The following TRAPPC9 variants were observed in gnomAD, a reference collection of about 807,000 sequenced individuals.
TRAPPC9 encodes the protein IKK2 binding protein.
Under a neutral mutation model 124.0 loss-of-function variants are expected in TRAPPC9, and 83 were observed. That is an observed-to-expected ratio of 0.67 (90% CI 0.56 to 0.80). The LOEUF (loss-of-function observed/expected upper bound fraction) is 0.80. Among genes scored for constraint, TRAPPC9 ranks in the 30% least tolerant of loss-of-function variants. TRAPPC9 has a pLI of 0.00. For missense variants in TRAPPC9, 1,302 were observed against 1,508.3 expected (o/e 0.86, Z 2.27); for synonymous variants, 638 against 617.5 (o/e 1.03, Z -0.49).
chr8:140,454,243 C>G (rs1258760105), intron 1 of TRAPPC9, among the ~76,000 whole-genome samples: 1 of 151,866 alleles, frequency 6.6e-6, no homozygotes, highest in Non-Finnish European at 1.5e-5. Flanking sequence ...GAGCCAAGAT[C>G]ACAACACTGC....
chr8:140,039,896 T>C (rs1368848124), intron 17 of TRAPPC9: 1 of 152,192 alleles, frequency 6.6e-6, no homozygotes, highest in African/African-American at 2.4e-5. Flanking sequence ...AACAATTACA[T>C]GGTGAGCATG....
chr8:140,001,253 G>C (rs1337692896), intron 18 of TRAPPC9, among the ~76,000 whole-genome samples: 1 of 152,094 alleles, frequency 6.6e-6, no homozygotes, highest in African/African-American at 2.4e-5. Flanking sequence ...GGGGTGAGGG[G>C]CTGCGGGGAT....
At chr8:139,813,194 C>A (rs1274498342) in intron 21 of TRAPPC9, among the ~76,000 whole-genome samples, 1 of 152,198 alleles carries the variant, frequency 6.6e-6, no homozygotes, top group African/African-American at 2.4e-5. Flanking sequence ...CAAACTAGGC[C>A]CACTCTGATG....
intron 15 of TRAPPC9, among the ~76,000 whole-genome samples, chr8:140,268,633 G>A (rs1314772556): frequency 2.0e-5 from 3 of 152,158 alleles, no homozygotes; most frequent in African/African-American, 7.2e-5. Context: ...CAGCTGACCT[G>A]TGACCTGAGG....
intron 20 of TRAPPC9, among the ~76,000 whole-genome samples, chr8:139,897,341 G>C (rs1274977965): frequency 6.6e-6 from 1 of 152,188 alleles, no homozygotes; most frequent in African/African-American, 2.4e-5. Context: ...TGCCATCCCT[G>C]CTCAAACCAG....
chr8:139,823,964 G>C (rs1344781878), intron 21 of TRAPPC9, among the ~76,000 whole-genome samples: 1 of 152,180 alleles, frequency 6.6e-6, no homozygotes, highest in Admixed American at 6.5e-5. Context: ...CTGAGAATTT[G>C]TTAGACATGC....
chr8:139,776,232 G>A lies in TRAPPC9; in HGVS notation c.3056-44030C>T, dbSNP rs906205852. ...TCCTGCAGGCCTCCTGCACAGGGAC[G>A]CCAGGCTGCAGCCTCCCAGTCAGAT... is the stretch of plus-strand genomic sequence containing the variant. On this transcript the variant is annotated intron_variant, in intron 21 of 22. Coordinates refer to ENST00000438773, the MANE Select transcript of TRAPPC9 (RefSeq NM_001160372.4). This position sits in a 1 kb window ranked among gnomAD's most constrained non-coding sequence, Gnocchi z 4.1. Among the ~76,000 whole-genome samples, 30 of 152,142 alleles carry A rather than the reference G, an allele frequency of 2.0e-4. No individual in the cohort carries two copies. The highest frequency in any genetic ancestry group is 5.8e-4 in the African/African-American group (24 of 41,418).
rs938764496 is a variant in TRAPPC9 at position 140,104,757 on chromosome 8, C to T, written c.2557-80678G>A. Among the ~76,000 whole-genome samples the T allele has an allele frequency of 4.6e-5, 7 of 152,230 alleles. No individual in the cohort carries two copies. The highest frequency in any genetic ancestry group is 2.1e-4 in the South Asian group (1 of 4,834). On this transcript the variant is annotated intron_variant, in intron 17 of 22. Coordinates refer to ENST00000438773, the MANE Select transcript of TRAPPC9 (RefSeq NM_001160372.4). This position sits in a 1 kb window ranked among gnomAD's most constrained non-coding sequence, Gnocchi z 4.0. ...TGTAGTTACCCAGCTAACAGAAGAA[C>T]GGTTCACACCGACAAGGTACTTCTT...
At chr8:140,321,178 A>G (rs916440393) in intron 9 of TRAPPC9, among the ~76,000 whole-genome samples, 1 of 152,260 alleles carries the variant, frequency 6.6e-6, no homozygotes, top group Non-Finnish European at 1.5e-5. Context: ...TGCCTGCGGC[A>G]GAGAAGCCGG....
intron 15 of TRAPPC9, among the ~76,000 whole-genome samples, chr8:140,271,754 C>T (rs920795829): frequency 6.6e-6 from 1 of 152,190 alleles, no homozygotes; most frequent in Non-Finnish European, 1.5e-5. Context: ...AGTGCAAACA[C>T]CAAGTAAAGG....
chr8:140,280,058 T>C (rs999026396), intron 14 of TRAPPC9, among the ~76,000 whole-genome samples: 35 of 152,224 alleles, frequency 2.3e-4, no homozygotes, highest in Non-Finnish European at 1.0e-4. Context: ...GTTGGGCGGC[T>C]GGTGCCCTGC....
intron 19 of TRAPPC9, among the ~76,000 whole-genome samples, chr8:139,928,975 G>T (rs1327722510): frequency 6.6e-6 from 1 of 151,858 alleles, no homozygotes; most frequent in African/African-American, 2.4e-5. Context: ...CCTCGATGTT[G>T]CTTACGGGAG....
At chr8:140,191,184 G>A (rs1371630316) in intron 17 of TRAPPC9, among the ~76,000 whole-genome samples, 1 of 152,182 alleles carries the variant, frequency 6.6e-6, no homozygotes, top group African/African-American at 2.4e-5. Flanking sequence ...GGCCGACAAC[G>A]TGCCAGATGC....
At chr8:139,772,745 C>G (rs1277855024) in intron 21 of TRAPPC9, among the ~76,000 whole-genome samples, 2 of 152,176 alleles carry the variant, frequency 1.3e-5, no homozygotes, top group East Asian at 3.8e-4. Context: ...CATGTTGAAG[C>G]CCTAAAGCCC....
chr8:139,852,489 C>G (rs1471716573), intron 21 of TRAPPC9, among the ~76,000 whole-genome samples: 1 of 152,138 alleles, frequency 6.6e-6, no homozygotes, highest in African/African-American at 2.4e-5. Flanking sequence ...TGTTCTCCTC[C>G]CTGGTCCTGG....
chr8:140,229,132 T>C (rs901380574), intron 16 of TRAPPC9, among the ~76,000 whole-genome samples: 8 of 150,990 alleles, frequency 5.3e-5, no homozygotes, highest in South Asian at 2.1e-4. Flanking sequence ...TTCAGGTACA[T>C]AGAAAATAAT....
intron 1 of TRAPPC9, among the ~76,000 whole-genome samples, chr8:140,457,184 G>A (rs2071704527): frequency 6.6e-6 from 1 of 152,210 alleles, no homozygotes; most frequent in Non-Finnish European, 1.5e-5. Flanking sequence ...CCCCAGCCGC[G>A]CGTCCCAGAC....
intron 17 of TRAPPC9, among the ~76,000 whole-genome samples, chr8:140,166,050 A>G (rs1452223662): frequency 1.3e-5 from 2 of 152,202 alleles, no homozygotes; most frequent in African/African-American, 4.8e-5. Flanking sequence ...CATGCACCGC[A>G]GCACACTCTG....
At chr8:139,754,235 G>A (rs1181251286) in intron 21 of TRAPPC9, among the ~76,000 whole-genome samples, 1 of 152,154 alleles carries the variant, frequency 6.6e-6, no homozygotes, top group Non-Finnish European at 1.5e-5. Context: ...TGGGAAATAA[G>A]GGCATCTAAT....
Sources: gnomAD v4.1 joint callset for allele counts (sites outside exome capture counted in the v4.1 genomes callset) on GRCh38, gnomAD v4.1.1 for gene constraint, Gnocchi (gnomAD v3.1) non-coding constraint, MANE v1.5 for transcripts, NCBI Gene and HGNC (gene_info 2026-07-23, HGNC 2026-07-21) for gene names.